Variants in PRORP observed in about 807,000 individuals in gnomAD.
PRORP encodes the protein mitochondrial ribonuclease P catalytic subunit.
In PRORP, 51 loss-of-function variants were observed where a neutral mutation model predicts 59.4. That is an observed-to-expected ratio of 0.86 (90% confidence interval 0.69 to 1.08). The LOEUF (loss-of-function observed/expected upper bound fraction) is 1.08, where lower values mean the gene tolerates loss of function less well. Ranked by LOEUF, PRORP falls within the 50% of genes least tolerant of loss-of-function variation. PRORP has a pLI of 0.00. For synonymous variants in PRORP, 231 were observed against 245.6 expected (o/e 0.94, Z 0.55); for missense variants, 646 against 690.3 (o/e 0.94, Z 0.72).
intron 5 of PRORP, among the ~76,000 whole-genome samples, chr14:35,249,262 T>G (rs931947420): frequency 6.6e-6 from 1 of 152,022 alleles, no homozygotes; most frequent in Non-Finnish European, 1.5e-5. Flanking sequence ...TACCATGAGG[T>G]TATCTTTAGT....
intron 5 of PRORP, among the ~76,000 whole-genome samples, chr14:35,228,535 C>T (rs1189156599): frequency 2.0e-5 from 3 of 152,194 alleles, no homozygotes; most frequent in African/African-American, 7.2e-5. Context: ...TTATCTCATA[C>T]TTGTAAGTGA....
intron 5 of PRORP, among the ~76,000 whole-genome samples, chr14:35,184,170 A>T (rs2048686918): frequency 6.6e-6 from 1 of 151,596 alleles, no homozygotes; most frequent in Non-Finnish European, 1.5e-5. Flanking sequence ...TGAGAAGATA[A>T]CTTTTTTACA....
chr14:35,251,070 C>G (rs529251893), intron 5 of PRORP, among the ~76,000 whole-genome samples: 1 of 152,274 alleles, frequency 6.6e-6, no homozygotes, highest in African/African-American at 2.4e-5. Context: ...ATTCTTTTGC[C>G]TTTGCATGGT....
At chr14:35,263,693 AAAT>A (rs1193998764) in intron 5 of PRORP, among the ~76,000 whole-genome samples, 1 of 152,062 alleles carries the variant, frequency 6.6e-6, no homozygotes, top group Admixed American at 6.6e-5. Context: ...GTCTCAAAAA[AAAT>A]AATAATAATA....
At position 35,172,413 on chromosome 14, in the gene PRORP, TTTCCTTCCTTCCTTCC is replaced by T. The variant is rs71121269; in HGVS notation, c.1168-8229_1168-8214del. Among the ~76,000 whole-genome samples the T allele has an allele frequency of 5.7e-3, 441 of 77,612 alleles. 18 individuals are homozygous for T. Among genetic ancestry groups the T allele is most frequent in the Admixed American group, 0.047 (344 of 7,288 alleles). The allele number at this position is 77,612 out of a possible 152,430, so 50.9% of individuals were successfully genotyped here. On this transcript the variant is annotated intron_variant, in intron 4 of 7. Transcript: ENST00000534898. ...TCTACACTTTGGATTGGTTTCTTTC[TTTCCTTCCTTCCTTCC>T]TTCCTTCCTTCCTTCCTTCCTTCCT...
chr14:35,127,249 CAAA>C, intron 3 of PRORP, among the ~76,000 whole-genome samples: 2 of 141,436 alleles, frequency 1.4e-5, no homozygotes, highest in East Asian at 2.0e-4. Flanking sequence ...GACCCTGTCT[CAAA>C]AAAAAAAAAG....
intron 5 of PRORP, among the ~76,000 whole-genome samples, chr14:35,216,102 G>A (rs1310134786): frequency 5.7e-5 from 3 of 52,900 alleles, no homozygotes; most frequent in African/African-American, 1.0e-4. Flanking sequence ...TTACATATAT[G>A]TATATATTTA....
chr14:35,221,177 A>G (rs909304665), intron 5 of PRORP, among the ~76,000 whole-genome samples: 35 of 152,206 alleles, frequency 2.3e-4, no homozygotes, highest in Non-Finnish European at 3.8e-4. Flanking sequence ...GCAATTGTGC[A>G]GGACTGGGAC....
At chr14:35,153,695 A>G (rs148417119) in intron 4 of PRORP, among the ~76,000 whole-genome samples, 3 of 152,334 alleles carry the variant, frequency 2.0e-5, no homozygotes, top group African/African-American at 7.2e-5. Flanking sequence ...ATCTTGGATT[A>G]TCTTGACTTT....
At chr14:35,152,433 A>G (rs976833931) in intron 4 of PRORP, among the ~76,000 whole-genome samples, 7 of 152,164 alleles carry the variant, frequency 4.6e-5, no homozygotes, top group East Asian at 1.9e-4. Flanking sequence ...CCCGTTCTCA[A>G]TGAGCTGTTG....
At position 35,135,211 on chromosome 14, in the gene PRORP, A is replaced by C. The variant is rs564811213; in HGVS notation, c.1167+7600A>C. ...TCAAGACTGTTTTTCCTACCTCTTC[A>C]GTGCCTCTTTCAGTGATACAAAGTT... On this transcript the variant is annotated intron_variant, in intron 4 of 7. Coordinates refer to ENST00000534898, the MANE Select transcript of PRORP (RefSeq NM_014672.4). Among the ~76,000 whole-genome samples the C allele has an allele frequency of 3.3e-5, 5 of 152,286 alleles. No individual in the cohort carries two copies. In the East Asian group the frequency reaches 9.6e-4, roughly 29 times the overall value.
At chr14:35,145,721 AAAAG>A (rs1240942513) in intron 4 of PRORP, among the ~76,000 whole-genome samples, 4 of 112,510 alleles carry the variant, frequency 3.6e-5, no homozygotes, top group Admixed American at 8.9e-5. Flanking sequence ...TCCATCTCAA[AAAAG>A]AAAGAAAGAA....
chr14:35,270,783 A>G (rs1339144501), intron 7 of PRORP, among the ~76,000 whole-genome samples, 187 bp downstream of exon 7: 1 of 152,072 alleles, frequency 6.6e-6, no homozygotes, highest in Non-Finnish European at 1.5e-5. Context: ...CCAACCTCAA[A>G]TTAATTAAAA....
intron 4 of PRORP, among the ~76,000 whole-genome samples, chr14:35,128,521 A>T (rs1208939068): frequency 6.6e-6 from 1 of 151,778 alleles, no homozygotes; most frequent in Non-Finnish European, 1.5e-5. Flanking sequence ...GTTACTTGTT[A>T]TTGGTCTCTT....
Position 35,249,903 on chromosome 14 carries a change from A to G in PRORP, c.1276-16824A>G, listed in dbSNP as rs1595376368. 2.6e-5 allele frequency among the ~76,000 whole-genome samples: 4 copies of G among 152,158 alleles called. No individual in the cohort carries two copies. The East Asian group carries it at 5.8e-4, about 22-fold the overall frequency. ...GAATGTGTAAAGAGGAGGCAGGTCA[A>G]AGACTAAATCACTTTACATCCTCCC... On this transcript the variant is annotated intron_variant, in intron 5 of 7. Transcript: ENST00000534898.
intron 5 of PRORP, among the ~76,000 whole-genome samples, chr14:35,232,621 G>T (rs750205899): frequency 2.4e-4 from 37 of 152,014 alleles, no homozygotes; most frequent in South Asian, 6.2e-4. Context: ...GTAAGTCCTT[G>T]CCAGAGCATG....
At chr14:35,224,155 T>C (rs1566508315) in intron 5 of PRORP, among the ~76,000 whole-genome samples, 6 of 152,162 alleles carry the variant, frequency 3.9e-5, no homozygotes, top group Admixed American at 2.0e-4. Context: ...ATATGAATCA[T>C]AGGGGAAAGA....
intron 5 of PRORP, among the ~76,000 whole-genome samples, chr14:35,265,099 T>C (rs2051009454): frequency 6.6e-6 from 1 of 152,232 alleles, no homozygotes; most frequent in African/African-American, 2.4e-5. Flanking sequence ...GAATGTAATA[T>C]TTGATAGCTG....
chr14:35,156,963 T>TC (rs931181111), intron 4 of PRORP, among the ~76,000 whole-genome samples: 13 of 149,646 alleles, frequency 8.7e-5, no homozygotes, highest in East Asian at 5.8e-4. Context: ...TCTTTTCTTT[T>TC]TTTTTTTTTT....
Sources: gnomAD v4.1 joint callset for allele counts (sites outside exome capture counted in the v4.1 genomes callset) on GRCh38, gnomAD v4.1.1 for gene constraint, MANE v1.5 for transcripts, NCBI Gene and HGNC (gene_info 2026-07-23, HGNC 2026-07-21) for gene names.